MGAT4C: variants seen among roughly 807,000 people sequenced by gnomAD.
MGAT4C encodes the protein alpha-1,3-mannosyl-glycoprotein 4-beta-N-acetylglucosaminyltransferase C.
MGAT4C carries 19 observed loss-of-function variants against 40.1 expected under a neutral mutation model. That is an observed-to-expected ratio of 0.47 (90% CI 0.33 to 0.70). MGAT4C has a LOEUF of 0.70. MGAT4C is among the 30% of genes least tolerant of loss of function. MGAT4C has a pLI of 0.02. For missense variants in MGAT4C, 491 were observed against 563.2 expected (o/e 0.87, Z 1.30); for synonymous variants, 181 against 187.1 (o/e 0.97, Z 0.27).
intron 2 of MGAT4C, chr12:86,002,596 T>C (rs1270418684): frequency 6.6e-6 from 1 of 150,904 alleles, no homozygotes; most frequent in Non-Finnish European, 1.5e-5. Context: ...TATATACAGA[T>C]ATATATGCAA....
chr12:85,989,428 T>A lies in MGAT4C; in HGVS notation c.119A>T (p.Asn40Ile). Residue 40 changes from asparagine to isoleucine, a missense_variant, in exon 3 of 5, where the codon AAC becomes ATC. Asn to Ile is a moderately radical substitution (Grantham distance 149). Coordinates refer to ENST00000611864, the MANE Select transcript of MGAT4C (RefSeq NM_001351288.2). ...AACATAGCTATCTTCAATGTACAAGTTCATAAAAAGGAGAAAAATGACAAG... is the reference window on the plus strand; with the variant it reads ...AACATAGCTATCTTCAATGTACAAGATCATAAAAAGGAGAAAAATGACAAG... ...GVLVIFLLFMNLYIEDSYVLE... is the reference protein window; with the variant it reads ...GVLVIFLLFMILYIEDSYVLE... 1 of 1,607,118 alleles carries A rather than the reference T, an allele frequency of 6.2e-7. No individual in the cohort carries two copies.
At chr12:86,776,945 A>G (rs940135986) in intron 1 of MGAT4C, among the ~76,000 whole-genome samples, 5 of 152,178 alleles carry the variant, frequency 3.3e-5, no homozygotes, top group Admixed American at 2.0e-4. Flanking sequence ...ATATTTAAAA[A>G]TCATCTATTT....
At chr12:86,555,584 G>A (rs1959569713) in intron 2 of MGAT4C, among the ~76,000 whole-genome samples, 1 of 152,288 alleles carries the variant, frequency 6.6e-6, no homozygotes, top group African/African-American at 2.4e-5. Context: ...AGAATCCAGG[G>A]CTCGTGGCTC....
chr12:86,312,790 C>A (rs190795265), intron 4 of MGAT4C, among the ~76,000 whole-genome samples: 41 of 152,110 alleles, frequency 2.7e-4, no homozygotes, highest in African/African-American at 9.9e-4. Context: ...CATCATATAG[C>A]ATTTATAAGG....
intron 1 of MGAT4C, among the ~76,000 whole-genome samples, chr12:86,094,474 T>C (rs544197861): frequency 6.6e-5 from 10 of 152,160 alleles, no homozygotes; most frequent in South Asian, 6.2e-4. Flanking sequence ...TGAATATGTA[T>C]ACATATGCCT....
intron 1 of MGAT4C, among the ~76,000 whole-genome samples, chr12:86,204,362 A>C (rs1175078024): frequency 6.6e-6 from 1 of 152,142 alleles, no homozygotes; most frequent in Non-Finnish European, 1.5e-5. Flanking sequence ...TCAAGAGTTC[A>C]AGAGAAAGAA....
chr12:86,663,475 C>T (rs1002063326), intron 2 of MGAT4C, among the ~76,000 whole-genome samples: 3 of 151,488 alleles, frequency 2.0e-5, no homozygotes, highest in South Asian at 2.1e-4. Flanking sequence ...TGCCAGAGTA[C>T]GTGTGAAACT....
At chr12:86,335,432 A>G (rs1299055794) in intron 3 of MGAT4C, among the ~76,000 whole-genome samples, 1 of 152,114 alleles carries the variant, frequency 6.6e-6, no homozygotes, top group Non-Finnish European at 1.5e-5. Flanking sequence ...ATGGGAGAGT[A>G]TAAGCCTAAC....
chr12:86,352,507 A>G (rs575876313), intron 3 of MGAT4C, among the ~76,000 whole-genome samples: 2 of 152,102 alleles, frequency 1.3e-5, no homozygotes, highest in Non-Finnish European at 2.9e-5. Context: ...TTTACTATAG[A>G]TTGATTTATT....
chr12:86,361,417 T>C (rs1422283148), intron 3 of MGAT4C, among the ~76,000 whole-genome samples: 1 of 152,192 alleles, frequency 6.6e-6, no homozygotes, highest in Non-Finnish European at 1.5e-5. Context: ...ATTCAGGACA[T>C]AGGCATGGGC....
At chr12:86,726,916 C>T (rs777916669) in intron 2 of MGAT4C, among the ~76,000 whole-genome samples, 4 of 152,072 alleles carry the variant, frequency 2.6e-5, no homozygotes, top group African/African-American at 4.8e-5. Context: ...CTGCAGAGGA[C>T]TTAAAAGTAT....
chr12:86,240,027 AAAAAAAAAAAAT>A (rs949558256), intron 1 of MGAT4C, among the ~76,000 whole-genome samples: 4 of 33,852 alleles, frequency 1.2e-4, no homozygotes, highest in South Asian at 1.3e-3. Context: ...AGAGTATAAT[AAAAAAAAAAAAT>A]AAAAAATAAA....
At chr12:86,809,636 T>C (rs1178587440) in intron 1 of MGAT4C, among the ~76,000 whole-genome samples, 2 of 152,078 alleles carry the variant, frequency 1.3e-5, no homozygotes, top group Non-Finnish European at 2.9e-5. Context: ...ATAATAATGT[T>C]GAATAGCTTT....
chr12:86,806,449 TGA>T (rs1555231911), intron 1 of MGAT4C, among the ~76,000 whole-genome samples: 3 of 149,956 alleles, frequency 2.0e-5, no homozygotes, highest in African/African-American at 4.9e-5. Context: ...TGTGTGTGTG[TGA>T]GAGAGAGAGT....
chr12:86,067,838 G>C (rs1894705224), intron 1 of MGAT4C, among the ~76,000 whole-genome samples: 2 of 152,028 alleles, frequency 1.3e-5, no homozygotes, highest in Admixed American at 6.6e-5. Flanking sequence ...AATCCTGCTG[G>C]TCTCTGTTGA....
At chr12:86,248,097 G>A (rs967323491) in intron 1 of MGAT4C, among the ~76,000 whole-genome samples, 1 of 151,984 alleles carries the variant, frequency 6.6e-6, no homozygotes, top group Non-Finnish European at 1.5e-5. Flanking sequence ...AATTTCCTAA[G>A]GCTTCTTGAT....
At chr12:86,301,354 T>C (rs1001125631) in intron 4 of MGAT4C, among the ~76,000 whole-genome samples, 2 of 152,180 alleles carry the variant, frequency 1.3e-5, no homozygotes, top group Non-Finnish European at 1.5e-5. Flanking sequence ...AATAAATAAT[T>C]TCCTTGTTTA....
chr12:86,181,869 T>A (rs1022437333), intron 1 of MGAT4C, among the ~76,000 whole-genome samples: 2 of 152,090 alleles, frequency 1.3e-5, no homozygotes, highest in South Asian at 4.1e-4. Context: ...ATACATATTT[T>A]TAAACCCTTC....
At chr12:86,497,915 T>TATATAC (rs1200308012) in intron 2 of MGAT4C, among the ~76,000 whole-genome samples, 267 of 141,824 alleles carry the variant, frequency 1.9e-3, no homozygotes, top group East Asian at 7.6e-3. Context: ...TATATATATA[T>TATATAC]ACGCACACAC....
Sources: allele counts gnomAD v4.1 joint callset (sites outside exome capture counted in the v4.1 genomes callset), GRCh38; gene constraint gnomAD v4.1.1; transcripts MANE v1.5; gene names NCBI Gene and HGNC (gene_info 2026-07-23, HGNC 2026-07-21).